ADRB1: variants seen among roughly 807,000 people sequenced by gnomAD.
ADRB1 encodes adrenoceptor beta 1.
For missense variants in ADRB1, 635 were observed against 709.1 expected (o/e 0.90, Z 1.19); for synonymous variants, 365 against 347.2 (o/e 1.05, Z -0.57).
chr10:114,044,013 C>A lies in ADRB1; in HGVS notation c.-120C>A, dbSNP rs1325536551. Reference sequence around the variant, plus strand: ...CGCCCATGCCTCCGGCCCCGCGCCGCGGCTGCCCTGACCCGGCCGCGACCT... The same window carrying A: ...CGCCCATGCCTCCGGCCCCGCGCCGAGGCTGCCCTGACCCGGCCGCGACCT... On this transcript the variant is annotated 5_prime_UTR_variant, in exon 1 of 1. Transcript: ENST00000369295. The surrounding 1 kb of genome is among the most constrained non-coding windows in gnomAD (Gnocchi z 7.8). The A allele has an allele frequency of 6.1e-6, 5 of 813,228 alleles. No homozygotes were observed. The highest frequency in any genetic ancestry group is 8.0e-6 in the Non-Finnish European group (5 of 624,646). 50.4% of individuals were successfully genotyped at this position (813,228 alleles called of 1,614,324 possible).
In ADRB1 at chr10:114,045,346, A is replaced by T. The variant is rs1438078405; in HGVS notation, c.1214A>T (p.His405Leu). 2.0e-6 allele frequency: 3 copies of T among 1,485,940 alleles called. No individual in the cohort carries two copies. The Admixed American group carries it at 6.3e-5, about 31-fold the overall frequency. 92.0% of individuals were successfully genotyped at this position (1,485,940 alleles called of 1,614,324 possible). A position where few individuals can be genotyped will look rare whatever the true frequency, so the allele number is the denominator to read the frequency against. Residue 405 changes from histidine (H) to leucine (L), a missense_variant, in exon 1 of 1, where the codon CAC (histidine) becomes CTC (leucine). Physicochemically the swap from His to Leu is moderately conservative, Grantham distance 99 (BLOSUM62 -3). Transcript: ENST00000369295. ...GCTGCCCGCCGGCGCCACGCGACCC[A>T]CGGAGACCGGCCGCGCGCCTCGGGC... Reference protein sequence around the residue: ...RRAARRRHATHGDRPRASGCL... With the variant: ...RRAARRRHATLGDRPRASGCL...
In ADRB1 at chr10:114,044,815, C is replaced by G; in HGVS notation, c.683C>G (p.Ser228Trp). 6.2e-7 allele frequency: 1 copy of G among 1,613,850 alleles called. No individual in the cohort carries two copies. The highest frequency in any genetic ancestry group is 8.5e-7 in the Non-Finnish European group (1 of 1,179,930). Reference sequence around the variant, plus strand: ...ACCAACCGGGCCTACGCCATCGCCTCGTCCGTAGTCTCCTTCTACGTGCCC... The same window carrying G: ...ACCAACCGGGCCTACGCCATCGCCTGGTCCGTAGTCTCCTTCTACGTGCCC... Reference protein sequence around the residue: ...FVTNRAYAIASSVVSFYVPLC... With the variant: ...FVTNRAYAIAWSVVSFYVPLC... Residue 228 changes from serine (S) to tryptophan (W), a missense_variant, in exon 1 of 1, where the codon TCG becomes TGG. Coordinates refer to ENST00000369295, the MANE Select transcript of ADRB1 (RefSeq NM_000684.3). The surrounding 1 kb of genome is among the most constrained non-coding windows in gnomAD (Gnocchi z 7.8).
In ADRB1 at chr10:114,044,372, C is replaced by A. The variant is rs1450328907; in HGVS notation, c.240C>A (p.Ile80=). The change falls in exon 1 of 1, where the codon ATC becomes ATA. Residue 80 remains isoleucine, a synonymous_variant. Transcript: ENST00000369295. This position sits in a 1 kb window ranked among gnomAD's most constrained non-coding sequence, Gnocchi z 7.8. ...TCGTGGCGGGCAATGTGCTGGTGAT[C>A]GTGGCCATCGCCAAGACGCCGCGGC... The part of the protein sequence containing the change: ...LLIVAGNVLV[I]VAIAKTPRLQ... 6 of 1,609,142 alleles carry A rather than the reference C, an allele frequency of 3.7e-6. No individual in the cohort carries two copies. Among genetic ancestry groups the A allele is most frequent in the Non-Finnish European group, 1.7e-6 (2 of 1,179,566 alleles).
rs1305220920 is a variant in ADRB1, at chr10:114,044,921, C to T, written c.789C>T (p.Arg263=). ...KQVKKIDSCE[R]RFLGGPARPP... is the part of the protein sequence containing the mutation. ...TGAAGAAGATCGACAGCTGCGAGCG[C>T]CGTTTCCTCGGCGGCCCAGCGCGGC... is the stretch of plus-strand genomic sequence containing the variant. Residue 263 remains arginine (R), a synonymous_variant, in exon 1 of 1, where the codon CGC becomes CGT. Coordinates refer to ENST00000369295, the MANE Select transcript of ADRB1 (RefSeq NM_000684.3). This position sits in a 1 kb window ranked among gnomAD's most constrained non-coding sequence, Gnocchi z 7.8. 1 of 1,580,452 alleles carries T rather than the reference C, an allele frequency of 6.3e-7. No homozygotes were observed. Among genetic ancestry groups the T allele is most frequent in the Non-Finnish European group, 8.6e-7 (1 of 1,161,892 alleles).
In ADRB1 at chr10:114,045,479, C is replaced by A. The variant is rs751247368; in HGVS notation, c.1347C>A (p.Ala449=). 6 of 1,283,992 alleles carry A rather than the reference C, an allele frequency of 4.7e-6. No individual in the cohort carries two copies. The East Asian group carries it at 1.9e-4, about 40-fold the overall frequency. The allele number at this position is 1,283,992 out of a possible 1,614,324, so 79.5% of individuals were successfully genotyped here. The change falls in exon 1 of 1, where the codon GCC becomes GCA. Residue 449 remains alanine, a synonymous_variant. Coordinates refer to ENST00000369295, the MANE Select transcript of ADRB1 (RefSeq NM_000684.3). ...CCGCGCGCCTGCTGGAGCCCTGGGCCGGCTGCAACGGCGGGGCGGCGGCGG... is the reference window on the plus strand; with the variant it reads ...CCGCGCGCCTGCTGGAGCCCTGGGCAGGCTGCAACGGCGGGGCGGCGGCGG... The part of the protein sequence containing the change: ...TPPARLLEPW[A]GCNGGAAADS...
At position 114,044,202 on chromosome 10, in the gene ADRB1, G is replaced by C; in HGVS notation, c.70G>C (p.Asp24His). The C allele has an allele frequency of 1.4e-6, 2 of 1,390,450 alleles. No individual in the cohort carries two copies. The highest frequency in any genetic ancestry group is 5.9e-5 in the East Asian group (2 of 33,682). 86.1% of individuals were successfully genotyped at this position (1,390,450 alleles called of 1,614,324 possible). A position where few individuals can be genotyped will look rare whatever the true frequency, so the allele number is the denominator to read the frequency against. Reference protein sequence around the residue: ...GNLSSAAPLPDGAATAARLLV... With the variant: ...GNLSSAAPLPHGAATAARLLV... ...CCTGTCGTCGGCCGCACCGCTCCCC[G>C]ACGGCGCGGCCACCGCGGCGCGGCT... is the stretch of plus-strand genomic sequence containing the variant. Residue 24 changes from aspartate (D) to histidine (H), a missense_variant, in exon 1 of 1, where the codon GAC becomes CAC. Coordinates refer to ENST00000369295, the MANE Select transcript of ADRB1 (RefSeq NM_000684.3). This position sits in a 1 kb window ranked among gnomAD's most constrained non-coding sequence, Gnocchi z 7.8.
rs1847529812 is a variant in ADRB1 at position 114,044,383 on chromosome 10, C to T, written c.251C>T (p.Ala84Val). 3 of 1,610,106 alleles carry T rather than the reference C, an allele frequency of 1.9e-6. No individual in the cohort carries two copies. Among genetic ancestry groups the T allele is most frequent in the African/African-American group, 1.3e-5 (1 of 74,952 alleles). The change falls in exon 1 of 1, where the codon GCC becomes GTC. Residue 84 changes from alanine to valine, a missense_variant. Coordinates refer to ENST00000369295, the MANE Select transcript of ADRB1 (RefSeq NM_000684.3). This position sits in a 1 kb window ranked among gnomAD's most constrained non-coding sequence, Gnocchi z 7.8. ...AATGTGCTGGTGATCGTGGCCATCGCCAAGACGCCGCGGCTGCAGACGCTC... is the reference window on the plus strand; with the variant it reads ...AATGTGCTGGTGATCGTGGCCATCGTCAAGACGCCGCGGCTGCAGACGCTC... ...AGNVLVIVAI[A>V]KTPRLQTLTN...
Position 114,044,862 on chromosome 10 carries a change from T to C in ADRB1, c.730T>C (p.Tyr244His). Residue 244 changes from tyrosine (Y) to histidine (H), a missense_variant, in exon 1 of 1, where the codon TAC becomes CAC. Tyr to His is a moderately conservative substitution (Grantham distance 83). Coordinates refer to ENST00000369295, the MANE Select transcript of ADRB1 (RefSeq NM_000684.3). The surrounding 1 kb of genome is among the most constrained non-coding windows in gnomAD (Gnocchi z 7.8). ...GCCCCTGTGCATCATGGCCTTCGTG[T>C]ACCTGCGGGTGTTCCGCGAGGCCCA... Reference protein sequence around the residue: ...YVPLCIMAFVYLRVFREAQKQ... With the variant: ...YVPLCIMAFVHLRVFREAQKQ... 6.2e-7 allele frequency: 1 copy of C among 1,613,340 alleles called. No individual in the cohort carries two copies. The highest frequency in any genetic ancestry group is 8.5e-7 in the Non-Finnish European group (1 of 1,179,746).
Position 114,044,091 on chromosome 10 carries a change from C to A in ADRB1, c.-42C>A, listed in dbSNP as rs1429846678. ...TCTGGGGTGTTCCCCAACCACGGCC[C>A]AGCCCTGCCACACCCCCCGCCCCCG... On this transcript the variant is annotated 5_prime_UTR_variant, in exon 1 of 1. Coordinates refer to ENST00000369295, the MANE Select transcript of ADRB1 (RefSeq NM_000684.3). This position sits in a 1 kb window ranked among gnomAD's most constrained non-coding sequence, Gnocchi z 7.8. 8.1e-6 allele frequency: 10 copies of A among 1,239,556 alleles called. No individual in the cohort carries two copies. Among genetic ancestry groups the A allele is most frequent in the Non-Finnish European group, 1.0e-5 (10 of 995,208 alleles). 76.8% of individuals were successfully genotyped at this position (1,239,556 alleles called of 1,614,324 possible).
Position 114,044,991 on chromosome 10 carries a change from C to T in ADRB1, c.859C>T (p.Pro287Ser). ...GCCCGTCCCCGCGCCCGCGCCGCCG[C>T]CCGGACCCCCGCGCCCCGCCGCCGC... is the stretch of plus-strand genomic sequence containing the variant. ...PSPVPAPAPP[P>S]GPPRPAAAAA... The change falls in exon 1 of 1, where the codon CCC becomes TCC. Residue 287 changes from proline to serine, a missense_variant. Physicochemically the swap from Pro to Ser is moderately conservative, Grantham distance 74. Transcript: ENST00000369295. The surrounding 1 kb of genome is among the most constrained non-coding windows in gnomAD (Gnocchi z 7.8). 1 of 1,078,798 alleles carries T rather than the reference C, an allele frequency of 9.3e-7. No homozygotes were observed. Among genetic ancestry groups the T allele is most frequent in the South Asian group, 4.3e-5 (1 of 23,022 alleles). The allele number at this position is 1,078,798 out of a possible 1,614,324, so 66.8% of individuals were successfully genotyped here.
rs1847549079 is a variant in ADRB1 at position 114,045,434 on chromosome 10, T to C, written c.1302T>C (p.Asp434=). The C allele has an allele frequency of 8.0e-7, 1 of 1,243,686 alleles. No individual in the cohort carries two copies. Among genetic ancestry groups the C allele is most frequent in the East Asian group, 3.2e-5 (1 of 30,842 alleles). 77.0% of individuals were successfully genotyped at this position (1,243,686 alleles called of 1,614,324 possible). The change falls in exon 1 of 1, where the codon GAT becomes GAC. Residue 434 remains aspartate (D), a synonymous_variant. Transcript: ENST00000369295. ...PGAASDDDDD[D]VVGATPPARL... ...CCGCCTCGGACGACGACGACGACGATGTCGTCGGGGCCACGCCGCCCGCGC... is the reference window on the plus strand; with the variant it reads ...CCGCCTCGGACGACGACGACGACGACGTCGTCGGGGCCACGCCGCCCGCGC...
rs779240040 is a variant in ADRB1 at position 114,045,189 on chromosome 10, C to G, written c.1057C>G (p.Leu353Val). ...CGTGGTGAAGGCCTTCCACCGCGAGCTGGTGCCCGACCGCCTCTTCGTCTT... is the reference window on the plus strand; with the variant it reads ...CGTGGTGAAGGCCTTCCACCGCGAGGTGGTGCCCGACCGCCTCTTCGTCTT... ...ANVVKAFHRE[L>V]VPDRLFVFFN... Residue 353 changes from leucine (L) to valine (V), a missense_variant, in exon 1 of 1, where the codon CTG becomes GTG. Leu to Val is a conservative substitution (Grantham distance 32, BLOSUM62 1). Coordinates refer to ENST00000369295, the MANE Select transcript of ADRB1 (RefSeq NM_000684.3). The G allele has an allele frequency of 6.3e-7, 1 of 1,598,906 alleles. No homozygotes were observed. The highest frequency in any genetic ancestry group is 1.7e-5 in the Admixed American group (1 of 58,498).
In ADRB1 at chr10:114,045,238, ACT is replaced by A; in HGVS notation, c.1108_1109del (p.Ser370GlyfsTer131). On this transcript the variant is annotated frameshift_variant, in exon 1 of 1. Transcript: ENST00000369295. LOFTEE classifies it low-confidence loss of function (END_TRUNC). ...TTCTTCAACTGGCTGGGCTACGCCA[ACT>A]CGGCCTTCAACCCCATCATCTACTG... 1 of 1,599,578 alleles carries A rather than the reference ACT, an allele frequency of 6.3e-7. No homozygotes were observed. Among genetic ancestry groups the A allele is most frequent in the Non-Finnish European group, 8.5e-7 (1 of 1,172,914 alleles).
At position 114,045,637 on chromosome 10, in the gene ADRB1, C is replaced by A; in HGVS notation, c.*71C>A. The A allele has an allele frequency of 8.2e-7, 1 of 1,217,690 alleles. No individual in the cohort carries two copies. The highest frequency in any genetic ancestry group is 1.6e-5 in the African/African-American group (1 of 63,594). The allele number at this position is 1,217,690 out of a possible 1,614,324, so 75.4% of individuals were successfully genotyped here. ...CGAGGAGATCTGTGTTTACTTAAGA[C>A]CGATAGCAGGTGAACTCGAAGCCCA... On this transcript the variant is annotated 3_prime_UTR_variant, in exon 1 of 1. Coordinates refer to ENST00000369295, the MANE Select transcript of ADRB1 (RefSeq NM_000684.3).
Position 114,045,571 on chromosome 10 carries a change from C to A in ADRB1, c.*5C>A. On this transcript the variant is annotated 3_prime_UTR_variant, in exon 1 of 1. Coordinates refer to ENST00000369295, the MANE Select transcript of ADRB1 (RefSeq NM_000684.3). ...GCCTCGGAATCCAAGGTGTAGGGCC[C>A]GGCGCGGGGCGCGGACTCCGGGCAC... The A allele has an allele frequency of 7.8e-7, 1 of 1,283,638 alleles. No individual in the cohort carries two copies. Among genetic ancestry groups the A allele is most frequent in the Non-Finnish European group, 9.9e-7 (1 of 1,007,772 alleles). The allele number at this position is 1,283,638 out of a possible 1,614,324, so 79.5% of individuals were successfully genotyped here.
Position 114,046,613 on chromosome 10 carries a change from ACT to A in ADRB1, c.*1050_*1051del, listed in dbSNP as rs1316654061. 1.8e-5 allele frequency: 3 copies of A among 166,936 alleles called. No individual in the cohort carries two copies. Among genetic ancestry groups the A allele is most frequent in the African/African-American group, 2.4e-5 (1 of 41,384 alleles). 10.3% of individuals were successfully genotyped at this position (166,936 alleles called of 1,614,324 possible). A position where few individuals can be genotyped will look rare whatever the true frequency, so the allele number is the denominator to read the frequency against. On this transcript the variant is annotated 3_prime_UTR_variant, in exon 1 of 1. Coordinates refer to ENST00000369295, the MANE Select transcript of ADRB1 (RefSeq NM_000684.3). ...TGGGCAGATCTTAAATAAAATTCAA[ACT>A]CTACTTCTGTTGTCTAGTATGTTAT...
chr10:114,045,310 G>A lies in ADRB1; in HGVS notation c.1178G>A (p.Cys393Tyr). 2 of 1,558,054 alleles carry A rather than the reference G, an allele frequency of 1.3e-6. No individual in the cohort carries two copies. Among genetic ancestry groups the A allele is most frequent in the Non-Finnish European group, 1.7e-6 (2 of 1,150,454 alleles). ...FRKAFQGLLC[C>Y]ARRAARRRHA... ...AAGGCCTTCCAGGGACTGCTCTGCT[G>A]CGCGCGCAGGGCTGCCCGCCGGCGC... is the stretch of plus-strand genomic sequence containing the variant. The change falls in exon 1 of 1, where the codon TGC becomes TAC. Residue 393 changes from cysteine to tyrosine, a missense_variant. Physicochemically the swap from Cys to Tyr is radical, Grantham distance 194. Transcript: ENST00000369295.
At position 114,044,203 on chromosome 10, in the gene ADRB1, ACGGCGCGGCCACCG is replaced by A. The variant is rs1407887061; in HGVS notation, c.81_94del (p.Thr28AlafsTer276). 1.4e-6 allele frequency: 2 copies of A among 1,390,100 alleles called. No homozygotes were observed. Among genetic ancestry groups the A allele is most frequent in the Non-Finnish European group, 1.8e-6 (2 of 1,085,264 alleles). 86.1% of individuals were successfully genotyped at this position (1,390,100 alleles called of 1,614,324 possible). ...CTGTCGTCGGCCGCACCGCTCCCCG[ACGGCGCGGCCACCG>A]CGGCGCGGCTGCTGGTGCCCGCGTC... On this transcript the variant is annotated frameshift_variant, in exon 1 of 1. Transcript: ENST00000369295. LOFTEE classifies it low-confidence loss of function (END_TRUNC). This position sits in a 1 kb window ranked among gnomAD's most constrained non-coding sequence, Gnocchi z 7.8.
chr10:114,045,525 G>C lies in ADRB1; in HGVS notation c.1393G>C (p.Glu465Gln), dbSNP rs1210202311. ...GGCGGACAGCGACTCGAGCCTGGACGAGCCGTGCCGCCCCGGCTTCGCCTC... is the reference window on the plus strand; with the variant it reads ...GGCGGACAGCGACTCGAGCCTGGACCAGCCGTGCCGCCCCGGCTTCGCCTC... Reference protein sequence around the residue: ...AAADSDSSLDEPCRPGFASES... With the variant: ...AAADSDSSLDQPCRPGFASES... The change falls in exon 1 of 1, where the codon GAG (glutamate) becomes CAG (glutamine). Residue 465 changes from glutamate to glutamine, a missense_variant. Transcript: ENST00000369295. The C allele has an allele frequency of 7.6e-7, 1 of 1,307,456 alleles. No individual in the cohort carries two copies. 81.0% of individuals were successfully genotyped at this position (1,307,456 alleles called of 1,614,324 possible). A position where few individuals can be genotyped will look rare whatever the true frequency, so the allele number is the denominator to read the frequency against.
Sources: gnomAD v4.1 joint callset for allele counts on GRCh38, gnomAD v4.1.1 for gene constraint, Gnocchi (gnomAD v3.1) non-coding constraint, MANE v1.5 for transcripts, NCBI Gene and HGNC (gene_info 2026-07-23, HGNC 2026-07-21) for gene names.